Variants in ZNF491 observed in about 807,000 individuals in gnomAD.
ZNF491 encodes the protein zinc finger protein 491.
A neutral mutation model predicts 34.7 loss-of-function variants in ZNF491; 22 were observed. That is an observed-to-expected ratio of 0.63 (90% CI 0.45 to 0.90). ZNF491 has a LOEUF of 0.90. ZNF491 is among the 40% of genes least tolerant of loss of function. The pLI, the probability that ZNF491 is intolerant of heterozygous loss-of-function variation, is 0.00. For synonymous variants in ZNF491, 148 were observed against 174.3 expected (o/e 0.85, Z 1.19); for missense variants, 559 against 531.7 (o/e 1.05, Z -0.51).
Position 11,806,155 on chromosome 19 carries a change from C to A in ZNF491, c.202C>A (p.Gln68Lys). ...TDTGHQPHKC[Q>K]KFLEKPYKHK... ...CACTGGACACCAACCACATAAGTGT[C>A]AGAAATTTTTAGAGAAGCCATATAA... The change falls in exon 3 of 3, where the codon CAG becomes AAG. Residue 68 changes from glutamine (Q) to lysine (K), a missense_variant. By Grantham distance (53) the Gln-to-Lys change is moderately conservative. Transcript: ENST00000323169. The A allele has an allele frequency of 6.2e-7, 1 of 1,613,866 alleles. No individual in the cohort carries two copies. The highest frequency in any genetic ancestry group is 8.5e-7 in the Non-Finnish European group (1 of 1,180,018).
chr19:11,803,327 G>C (rs186830568), intron 1 of ZNF491, among the ~76,000 whole-genome samples: 1 of 152,214 alleles, frequency 6.6e-6, no homozygotes, highest in Admixed American at 6.5e-5. Context: ...TAGAAAACTT[G>C]CAAAGATAAT....
chr19:11,806,522 A>C lies in ZNF491; in HGVS notation c.569A>C (p.Lys190Thr). The C allele has an allele frequency of 6.2e-7, 1 of 1,614,180 alleles. No homozygotes were observed. Among genetic ancestry groups the C allele is most frequent in the East Asian group, 2.2e-5 (1 of 44,876 alleles). The change falls in exon 3 of 3, where the codon AAG (lysine) becomes ACG (threonine). Residue 190 changes from lysine (K) to threonine (T), a missense_variant. Transcript: ENST00000323169. The part of the protein sequence containing the change: ...THTGEKPYEC[K>T]ECGKSFNFSS... ...ACTGGGGAGAAGCCATATGAATGTAAGGAGTGTGGGAAATCATTCAATTTT... is the reference window on the plus strand; with the variant it reads ...ACTGGGGAGAAGCCATATGAATGTACGGAGTGTGGGAAATCATTCAATTTT...
intron 1 of ZNF491, among the ~76,000 whole-genome samples, chr19:11,801,720 G>A (rs1312680280): frequency 6.6e-6 from 1 of 152,212 alleles, no homozygotes; most frequent in East Asian, 1.9e-4. Flanking sequence ...AGCATTTTAA[G>A]TGTACCATTG....
chr19:11,807,115 T>C lies in ZNF491; in HGVS notation c.1162T>C (p.Cys388Arg). The C allele has an allele frequency of 1.9e-6, 3 of 1,612,536 alleles. No homozygotes were observed. The highest frequency in any genetic ancestry group is 2.5e-6 in the Non-Finnish European group (3 of 1,179,490). ...AGAAAAACCTTATGAATGTAAGCAT[T>C]GTGGGAAAGCCTTCACTTGTTCCAT... ...AGEKPYECKHCGKAFTCSIYI... is the reference protein window; with the variant it reads ...AGEKPYECKHRGKAFTCSIYI... Residue 388 changes from cysteine (C) to arginine (R), a missense_variant, in exon 3 of 3, where the codon TGT (cysteine) becomes CGT (arginine). Coordinates refer to ENST00000323169, the MANE Select transcript of ZNF491 (RefSeq NM_152356.4).
chr19:11,801,051 C>A (rs1423932853), intron 1 of ZNF491, among the ~76,000 whole-genome samples: 1 of 150,968 alleles, frequency 6.6e-6, no homozygotes, highest in Non-Finnish European at 1.5e-5. Context: ...AAAACAAAAA[C>A]TTTAGGGCTT....
At chr19:11,803,933 G>C (rs1975580831) in intron 1 of ZNF491, among the ~76,000 whole-genome samples, 1 of 152,206 alleles carries the variant, frequency 6.6e-6, no homozygotes, top group East Asian at 1.9e-4. Context: ...CGCCAGGCAC[G>C]GTGGCTTACG....
chr19:11,803,545 T>G (rs1189530312), intron 1 of ZNF491, among the ~76,000 whole-genome samples: 1 of 152,248 alleles, frequency 6.6e-6, no homozygotes, highest in Non-Finnish European at 1.5e-5. Flanking sequence ...GTCTCCTTGA[T>G]CTGCTTTGTG....
At chr19:11,801,474 G>A (rs1015629719) in intron 1 of ZNF491, among the ~76,000 whole-genome samples, 1 of 152,082 alleles carries the variant, frequency 6.6e-6, no homozygotes, top group Non-Finnish European at 1.5e-5. Context: ...GGCCAACATA[G>A]TGAAACCCTG....
In ZNF491 at chr19:11,807,509, A is replaced by C. The variant is rs903350779; in HGVS notation, c.*242A>C. The C allele has an allele frequency of 2.5e-6, 1 of 396,196 alleles. No homozygotes were observed. The allele number at this position is 396,196 out of a possible 1,614,324, so 24.5% of individuals were successfully genotyped here. Reference sequence around the variant, plus strand: ...TTAGTCACATTTTAGAGCCAGCCAAATTCACATGGGCTGTGTGGCCCCCTG... The same window carrying C: ...TTAGTCACATTTTAGAGCCAGCCAACTTCACATGGGCTGTGTGGCCCCCTG... On this transcript the variant is annotated 3_prime_UTR_variant, in exon 3 of 3. Coordinates refer to ENST00000323169, the MANE Select transcript of ZNF491 (RefSeq NM_152356.4).
chr19:11,807,531 C>A lies in ZNF491; in HGVS notation c.*264C>A, dbSNP rs997699987. 1.8e-4 allele frequency: 65 copies of A among 358,080 alleles called. No homozygotes were observed. The highest frequency in any genetic ancestry group is 1.3e-3 in the African/African-American group (64 of 47,482). 22.2% of individuals were successfully genotyped at this position (358,080 alleles called of 1,614,324 possible). On this transcript the variant is annotated 3_prime_UTR_variant, in exon 3 of 3. Coordinates refer to ENST00000323169, the MANE Select transcript of ZNF491 (RefSeq NM_152356.4). ...CAAATTCACATGGGCTGTGTGGCCCCCTGATTCTAGCCCATTTTCCTGATT... is the reference window on the plus strand; with the variant it reads ...CAAATTCACATGGGCTGTGTGGCCCACTGATTCTAGCCCATTTTCCTGATT...
At chr19:11,804,971 T>C (rs1975593086) in intron 2 of ZNF491, among the ~76,000 whole-genome samples, 1 of 152,194 alleles carries the variant, frequency 6.6e-6, no homozygotes, top group African/African-American at 2.4e-5. Flanking sequence ...AATCTCAGAT[T>C]GTCAGAAATT....
At position 11,806,273 on chromosome 19, in the gene ZNF491, A is replaced by C; in HGVS notation, c.320A>C (p.Glu107Ala). Reference protein sequence around the residue: ...HTREKPFDCKECEKSFISPAS... With the variant: ...HTREKPFDCKACEKSFISPAS... ...AGAGAGAAACCTTTTGATTGTAAGG[A>C]ATGTGAAAAATCTTTCATTTCTCCT... The change falls in exon 3 of 3, where the codon GAA becomes GCA. Residue 107 changes from glutamate to alanine, a missense_variant. By Grantham distance (107) the Glu-to-Ala change is moderately radical. Coordinates refer to ENST00000323169, the MANE Select transcript of ZNF491 (RefSeq NM_152356.4). The C allele has an allele frequency of 1.2e-6, 2 of 1,606,448 alleles. No homozygotes were observed. Among genetic ancestry groups the C allele is most frequent in the South Asian group, 1.1e-5 (1 of 89,582 alleles).
At chr19:11,803,768 G>C (rs1975579024) in intron 1 of ZNF491, among the ~76,000 whole-genome samples, 1 of 152,196 alleles carries the variant, frequency 6.6e-6, no homozygotes, top group African/African-American at 2.4e-5. Flanking sequence ...GATTGAAGCA[G>C]TGTTTGTCAG....
rs1975524470 is a variant in ZNF491 at position 11,798,547 on chromosome 19, G to GGCCGCACTCAGAGTC, written c.-313_-299dup. 6 of 152,448 alleles carry GGCCGCACTCAGAGTC rather than the reference G, an allele frequency of 3.9e-5. No homozygotes were observed. The highest frequency in any genetic ancestry group is 3.3e-4 in the Admixed American group (5 of 15,294). The allele number at this position is 152,448 out of a possible 1,614,324, so 9.4% of individuals were successfully genotyped here. ...CAACTGTCAATCCGGGGAAGCAGAA[G>GGCCGCACTCAGAGTC]GCCGCACTCAGAGTCTCTGCACTCC... On this transcript the variant is annotated 5_prime_UTR_variant, in exon 1 of 3. Coordinates refer to ENST00000323169, the MANE Select transcript of ZNF491 (RefSeq NM_152356.4). This position sits in a 1 kb window ranked among gnomAD's most constrained non-coding sequence, Gnocchi z 4.0.
chr19:11,800,465 T>A, intron 1 of ZNF491, among the ~76,000 whole-genome samples: 1 of 152,024 alleles, frequency 6.6e-6, no homozygotes, highest in South Asian at 2.1e-4. Flanking sequence ...CACAGACAAA[T>A]GAATAGCACT....
At chr19:11,804,214 A>C (rs1173276756) in intron 1 of ZNF491, among the ~76,000 whole-genome samples, 1 of 151,064 alleles carries the variant, frequency 6.6e-6, no homozygotes, top group Non-Finnish European at 1.5e-5. Context: ...GACAAAAAAA[A>C]AAAAAAAAAA....
chr19:11,808,066 A>G lies in ZNF491; in HGVS notation c.*799A>G, dbSNP rs1300542867. 1 of 167,028 alleles carries G rather than the reference A, an allele frequency of 6.0e-6. No individual in the cohort carries two copies. Among genetic ancestry groups the G allele is most frequent in the African/African-American group, 2.4e-5 (1 of 41,446 alleles). The allele number at this position is 167,028 out of a possible 1,614,324, so 10.3% of individuals were successfully genotyped here. A position where few individuals can be genotyped will look rare whatever the true frequency, so the allele number is the denominator to read the frequency against. ...ACAATGTGTATTTTTGAGGGAGCAA[A>G]GATTTCTGTACATATTTCTTAAAAA... is the stretch of plus-strand genomic sequence containing the variant. On this transcript the variant is annotated 3_prime_UTR_variant, in exon 3 of 3. Coordinates refer to ENST00000323169, the MANE Select transcript of ZNF491 (RefSeq NM_152356.4).
Position 11,808,398 on chromosome 19 carries a change from G to T in ZNF491, c.*1131G>T, listed in dbSNP as rs1002775672. Among the ~76,000 whole-genome samples the T allele has an allele frequency of 6.6e-6, 1 of 151,512 alleles. No homozygotes were observed. Among genetic ancestry groups the T allele is most frequent in the Non-Finnish European group, 1.5e-5 (1 of 67,900 alleles). ...CTCTGTCTCAAAAAAAAAAAAAAAG[G>T]TTTATTCACTGTTTTTCAGTTGTGT... On this transcript the variant is annotated 3_prime_UTR_variant, in exon 3 of 3. Coordinates refer to ENST00000323169, the MANE Select transcript of ZNF491 (RefSeq NM_152356.4).
chr19:11,799,298 A>G (rs1169685602), intron 1 of ZNF491: 1 of 152,188 alleles, frequency 6.6e-6, no homozygotes, highest in East Asian at 1.9e-4. Context: ...AAGTTTACTC[A>G]AGCAAGAAGC....
Sources: allele counts gnomAD v4.1 joint callset (sites outside exome capture counted in the v4.1 genomes callset), GRCh38; gene constraint gnomAD v4.1.1; non-coding constraint Gnocchi (gnomAD v3.1); transcripts MANE v1.5; gene names NCBI Gene and HGNC (gene_info 2026-07-23, HGNC 2026-07-21).